Variants in ST3GAL1 observed in about 807,000 individuals in gnomAD.
The protein encoded by ST3GAL1 is CMP-N-acetylneuraminate-beta-galactosamide-alpha-2,3-sialyltransferase 1.
ST3GAL1 carries 16 observed loss-of-function variants against 34.1 expected under a neutral mutation model. The observed-to-expected ratio is 0.47, with a 90% CI of 0.32 to 0.71. The LOEUF (loss-of-function observed/expected upper bound fraction) is 0.71, where lower values mean the gene tolerates loss of function less well. Among genes scored for constraint, ST3GAL1 ranks in the 30% least tolerant of loss-of-function variants. The pLI is 0.04. For missense variants in ST3GAL1, 353 were observed against 447.4 expected (o/e 0.79, Z 1.90); for synonymous variants, 191 against 184.7 (o/e 1.03, Z -0.28).
At chr8:133,551,552 AAGAAAGAAAGAAAG>A (rs964654702) in intron 1 of ST3GAL1, among the ~76,000 whole-genome samples, 1 of 85,350 alleles carries the variant, frequency 1.2e-5, no homozygotes, top group African/African-American at 4.7e-5. Flanking sequence ...GAAAGAAAGA[AAGAAAGAAAGAAAG>A]AAAGAAAGAA....
At chr8:133,562,358 C>T (rs921688373) in intron 1 of ST3GAL1, among the ~76,000 whole-genome samples, 3 of 151,950 alleles carry the variant, frequency 2.0e-5, no homozygotes, top group East Asian at 2.0e-4. Flanking sequence ...TACAGGCACA[C>T]ACCATCATGT....
chr8:133,462,899 C>G (rs1815563958), intron 8 of ST3GAL1, among the ~76,000 whole-genome samples: 1 of 152,198 alleles, frequency 6.6e-6, no homozygotes, highest in East Asian at 1.9e-4. Flanking sequence ...TTCCTGACCT[C>G]TCCGAGCCTA....
intron 1 of ST3GAL1, among the ~76,000 whole-genome samples, chr8:133,569,951 T>C (rs968740256): frequency 5.3e-5 from 8 of 152,364 alleles, no homozygotes; most frequent in Admixed American, 4.6e-4. Flanking sequence ...GCTTGGTCGA[T>C]ACATTTGAAC....
chr8:133,540,415 A>G (rs1818431361), intron 2 of ST3GAL1, among the ~76,000 whole-genome samples: 1 of 152,122 alleles, frequency 6.6e-6, no homozygotes, highest in South Asian at 2.1e-4. Flanking sequence ...GAAATGCTTT[A>G]GCTCCAACGG....
intron 1 of ST3GAL1, among the ~76,000 whole-genome samples, chr8:133,566,560 C>T (rs950771666): frequency 2.0e-5 from 3 of 152,136 alleles, no homozygotes; most frequent in South Asian, 2.1e-4. Context: ...CACCCACATG[C>T]ACCTCAAACC....
At chr8:133,503,654 C>T (rs1817250643) in intron 2 of ST3GAL1, among the ~76,000 whole-genome samples, 1 of 152,092 alleles carries the variant, frequency 6.6e-6, no homozygotes, top group African/African-American at 2.4e-5. Context: ...TTACAAATGG[C>T]AAGTACGTCG....
intron 2 of ST3GAL1, among the ~76,000 whole-genome samples, chr8:133,503,321 C>G (rs991809592): frequency 6.6e-6 from 1 of 152,240 alleles, no homozygotes; most frequent in African/African-American, 2.4e-5. Flanking sequence ...CATTTTGCAG[C>G]TCAGTGGCCA....
At chr8:133,531,896 G>A (rs915920361) in intron 2 of ST3GAL1, among the ~76,000 whole-genome samples, 37 of 149,530 alleles carry the variant, frequency 2.5e-4, no homozygotes, top group African/African-American at 8.6e-4. Context: ...GGATCTCTGA[G>A]TCATTAAGAT....
At chr8:133,546,374 T>C (rs1309488583) in intron 1 of ST3GAL1, among the ~76,000 whole-genome samples, 3 of 151,646 alleles carry the variant, frequency 2.0e-5, no homozygotes, top group African/African-American at 7.3e-5. Context: ...TCTCAGCTAC[T>C]TGGGAGGCTG....
chr8:133,548,833 G>T (rs1373770381), intron 1 of ST3GAL1, among the ~76,000 whole-genome samples: 1 of 152,162 alleles, frequency 6.6e-6, no homozygotes, highest in African/African-American at 2.4e-5. Flanking sequence ...CTTGTCACTA[G>T]ATTTCCCCAC....
chr8:133,526,367 A>T (rs1336565292), intron 2 of ST3GAL1, among the ~76,000 whole-genome samples: 1 of 152,120 alleles, frequency 6.6e-6, no homozygotes, highest in African/African-American at 2.4e-5. Flanking sequence ...GGAAGTAGAA[A>T]AGTTCATGAA....
chr8:133,568,609 G>A (rs1819475808), intron 1 of ST3GAL1, among the ~76,000 whole-genome samples: 1 of 152,124 alleles, frequency 6.6e-6, no homozygotes, highest in African/African-American at 2.4e-5. Context: ...TGTGGGAGGG[G>A]CCTAGAGTGA....
chr8:133,527,564 AC>A (rs1411864060), intron 2 of ST3GAL1, among the ~76,000 whole-genome samples: 2 of 152,160 alleles, frequency 1.3e-5, no homozygotes, highest in East Asian at 3.9e-4. Flanking sequence ...GACTCAGTTT[AC>A]CCTGTGTAAA....
chr8:133,512,720 G>T (rs1244573853), intron 2 of ST3GAL1, among the ~76,000 whole-genome samples: 1 of 152,134 alleles, frequency 6.6e-6, no homozygotes, highest in Middle Eastern at 3.2e-3. Flanking sequence ...AGGGTCGGGA[G>T]GAGACAGGGA....
intron 3 of ST3GAL1, among the ~76,000 whole-genome samples, chr8:133,484,979 G>A (rs1816530617): frequency 6.6e-6 from 1 of 152,216 alleles, no homozygotes; most frequent in East Asian, 1.9e-4. Context: ...TATGATCAAC[G>A]AATAAGGCTA....
chr8:133,509,769 G>A (rs914237580), intron 2 of ST3GAL1, among the ~76,000 whole-genome samples: 1 of 152,178 alleles, frequency 6.6e-6, no homozygotes, highest in Admixed American at 6.5e-5. Flanking sequence ...AAAAATTAGT[G>A]AAGGAGGACC....
intron 1 of ST3GAL1, among the ~76,000 whole-genome samples, chr8:133,557,387 A>G (rs1453565034): frequency 1.3e-5 from 2 of 152,188 alleles, no homozygotes; most frequent in Non-Finnish European, 2.9e-5. Context: ...AGGAGGGCAC[A>G]GAAGGCATGT....
chr8:133,520,183 G>T (rs1436590074), intron 2 of ST3GAL1, among the ~76,000 whole-genome samples: 6 of 152,176 alleles, frequency 3.9e-5, no homozygotes, highest in Non-Finnish European at 7.3e-5. Context: ...TTCTAGGGGA[G>T]GCAGAGACTA....
chr8:133,473,991 A>G (rs533371816), intron 5 of ST3GAL1, among the ~76,000 whole-genome samples: 41 of 152,292 alleles, frequency 2.7e-4, no homozygotes, highest in African/African-American at 9.6e-4. Flanking sequence ...ACCTCCCCAG[A>G]GCCCACCCCA....
Sources: allele counts gnomAD v4.1 joint callset (sites outside exome capture counted in the v4.1 genomes callset), GRCh38; gene constraint gnomAD v4.1.1; transcripts MANE v1.5; gene names NCBI Gene and HGNC (gene_info 2026-07-23, HGNC 2026-07-21).